RTCB: variants seen among roughly 807,000 people sequenced by gnomAD.
RTCB encodes RNA 2',3'-cyclic phosphate and 5'-OH ligase, also known as RNA-splicing ligase RTCB.
Under a neutral mutation model 58.2 loss-of-function variants are expected in RTCB, and 32 were observed. The observed-to-expected ratio is 0.55, with a 90% CI of 0.41 to 0.74. The LOEUF (loss-of-function observed/expected upper bound fraction) is 0.74. Among genes scored for constraint, RTCB ranks in the 30% least tolerant of loss-of-function variants. RTCB has a pLI of 0.00. For missense variants in RTCB, 523 were observed against 639.0 expected (o/e 0.82, Z 1.96); for synonymous variants, 247 against 218.6 (o/e 1.13, Z -1.15).
intron 4 of RTCB, among the ~76,000 whole-genome samples, chr22:32,404,439 G>C (rs1288384503): frequency 6.6e-6 from 1 of 151,896 alleles, no homozygotes; most frequent in African/African-American, 2.4e-5. Context: ...TTTCTTTTTT[G>C]AGATCATGCC....
intron 1 of RTCB, 79 bp downstream of exon 1, chr22:32,411,985 A>T (rs1933534256): frequency 9.7e-7 from 1 of 1,027,860 alleles, no homozygotes; most frequent in Non-Finnish European, 1.5e-6. Flanking sequence ...TGGTCAGGGG[A>T]GGTCCAGAGG....
chr22:32,410,197 GA>G (rs1474892172), intron 1 of RTCB, among the ~76,000 whole-genome samples: 1 of 152,162 alleles, frequency 6.6e-6, no homozygotes. Flanking sequence ...TGCTATGGAA[GA>G]ATCTGATGAG....
chr22:32,403,858 AC>A lies in RTCB; in HGVS notation c.341-1956del, dbSNP rs1933378384. On this transcript the variant is annotated intron_variant, in intron 4 of 11. Transcript: ENST00000216038. ...TGAAATTCTGTATACTCTAACATCCACCCTGTTAGCACCATTCTACTCTCTC... is the reference window on the plus strand; with the variant it reads ...TGAAATTCTGTATACTCTAACATCCACCTGTTAGCACCATTCTACTCTCTC... Among the ~76,000 whole-genome samples, 4 of 152,156 alleles carry A rather than the reference AC, an allele frequency of 2.6e-5. No individual in the cohort carries two copies. In the South Asian group the frequency reaches 8.3e-4, roughly 32 times the overall value.
At chr22:32,408,008 G>T in intron 3 of RTCB, 167 bp downstream of exon 3, 1 of 613,864 alleles carries the variant, frequency 1.6e-6, no homozygotes, top group Non-Finnish European at 2.9e-6. Flanking sequence ...TTCCATCTTG[G>T]TCTCTCAAAG....
At position 32,393,961 on chromosome 22, in the gene RTCB, G is replaced by A. The variant is rs1207147030; in HGVS notation, c.1221C>T (p.Thr407=). Residue 407 remains threonine (T), a synonymous_variant, in exon 10 of 12, where the codon ACC becomes ACT. Transcript: ENST00000216038. ...CAGTGCCAGTAAGAACATAACTACA[G>A]GTTCCCATGGTGCCACCAATGAGCA... is the stretch of plus-strand genomic sequence containing the variant. ...QPVLIGGTMG[T]CSYVLTGTEQ... is the part of the protein sequence containing the mutation. 6.2e-7 allele frequency: 1 copy of A among 1,614,120 alleles called. No individual in the cohort carries two copies. The highest frequency in any genetic ancestry group is 2.2e-5 in the East Asian group (1 of 44,888).
intron 4 of RTCB, 142 bp from the exon 5 acceptor site, chr22:32,402,045 C>T: frequency 2.2e-6 from 2 of 897,702 alleles, no homozygotes; most frequent in Non-Finnish European, 3.3e-6. Context: ...TGGTTCTTTG[C>T]TGAGTAAAGC....
rs190314948 is a variant in RTCB at position 32,390,300 on chromosome 22, G to A, written c.1410+1940C>T. On this transcript the variant is annotated intron_variant, in intron 11 of 11. Transcript: ENST00000216038. ...CCTAACTATAGCGGATGGTTAGTACGTGTTAGCTGAGTAAGTGAATCAAAT... is the reference window on the plus strand; with the variant it reads ...CCTAACTATAGCGGATGGTTAGTACATGTTAGCTGAGTAAGTGAATCAAAT... Among the ~76,000 whole-genome samples the A allele has an allele frequency of 2.6e-3, 389 of 152,328 alleles. 1 individual carries two copies. Among genetic ancestry groups the A allele is most frequent in the Middle Eastern group, 3.4e-3 (1 of 294 alleles).
At chr22:32,405,363 C>T (rs1212432919) in intron 4 of RTCB, among the ~76,000 whole-genome samples, 1 of 152,058 alleles carries the variant, frequency 6.6e-6, no homozygotes. Context: ...GATTTCAATG[C>T]TTTGAAATTT....
chr22:32,392,650 TA>T (rs1933175139), intron 10 of RTCB: 9 of 467,082 alleles, frequency 1.9e-5, no homozygotes, highest in East Asian at 8.5e-5. Flanking sequence ...ACCATGACAA[TA>T]AAAAAAGCCT....
intron 9 of RTCB, among the ~76,000 whole-genome samples, chr22:32,394,663 T>C (rs1933213830): frequency 6.6e-6 from 1 of 152,122 alleles, no homozygotes; most frequent in African/African-American, 2.4e-5. Context: ...AAGCAGACTA[T>C]GGGGTCTTTC....
chr22:32,403,782 T>C (rs1279722656), intron 4 of RTCB, among the ~76,000 whole-genome samples: 1 of 152,230 alleles, frequency 6.6e-6, no homozygotes, highest in African/African-American at 2.4e-5. Context: ...TATTATTAAC[T>C]ACAGTCACTA....
chr22:32,409,887 G>A (rs1480200067), intron 1 of RTCB, among the ~76,000 whole-genome samples: 1 of 150,522 alleles, frequency 6.6e-6, no homozygotes, highest in African/African-American at 2.5e-5. Context: ...GCATGATCTC[G>A]GCTCACTGCA....
chr22:32,408,300 ATATTCATGTTTTTAGACTG>A, intron 2 of RTCB, 58 bp from the exon 3 acceptor site: 23 of 1,386,168 alleles, frequency 1.7e-5, no homozygotes, highest in Non-Finnish European at 2.3e-5. Context: ...AGCATGAATT[ATATTCATGTTTTTAGACTG>A]TATAACGTGA....
intron 8 of RTCB, 141 bp from the exon 9 acceptor site, chr22:32,395,355 T>C (rs1933228700): frequency 1.5e-6 from 1 of 665,346 alleles, no homozygotes; most frequent in African/African-American, 1.8e-5. Flanking sequence ...CGTAAGATTA[T>C]CTTCACGTAA....
chr22:32,398,991 A>T (rs1933290385), intron 6 of RTCB, among the ~76,000 whole-genome samples: 1 of 152,224 alleles, frequency 6.6e-6, no homozygotes, highest in African/African-American at 2.4e-5. Flanking sequence ...AGCCTTCACA[A>T]CTAGCTGTAA....
rs754395932 is a variant in RTCB at position 32,395,069 on chromosome 22, C to T, written c.1136G>A (p.Arg379His). Residue 379 changes from arginine (R) to histidine (H), a missense_variant, in exon 9 of 12, where the codon CGC (arginine) becomes CAC (histidine). Around this residue, in one of 3 missense-constraint regions of RTCB, gnomAD observed 248 missense variants for 292.5 expected, o/e 0.85. Coordinates refer to ENST00000216038, the MANE Select transcript of RTCB (RefSeq NM_014306.5). ...TLLVHRKGSTRAFPPHHPLIA... is the reference protein window; with the variant it reads ...TLLVHRKGSTHAFPPHHPLIA... Reference sequence around the variant, plus strand: ...GAGGGGATGGTGAGGAGGGAAAGCGCGGGTGGATCCCTTCCTGTGTACTAA... The same window carrying T: ...GAGGGGATGGTGAGGAGGGAAAGCGTGGGTGGATCCCTTCCTGTGTACTAA... The T allele has an allele frequency of 6.2e-6, 10 of 1,614,028 alleles. No individual in the cohort carries two copies. The highest frequency in any genetic ancestry group is 3.3e-5 in the Admixed American group (2 of 59,998).
rs1375380412 is a variant in RTCB at position 32,395,233 on chromosome 22, G to A, written c.991-19C>T. 1.2e-6 allele frequency: 2 copies of A among 1,609,006 alleles called. No individual in the cohort carries two copies. Among genetic ancestry groups the A allele is most frequent in the Admixed American group, 3.3e-5 (2 of 59,790 alleles). ...CGAAAGCCTAGGAGAAAACACAGAA[G>A]ATAAAAGCAGCCAGAACTTCAGGAC... is the stretch of plus-strand genomic sequence containing the variant. On this transcript the variant is annotated intron_variant, in intron 8 of 11. Transcript: ENST00000216038.
In RTCB at chr22:32,392,296, A is replaced by G; in HGVS notation, c.1354T>C (p.Leu452=). The change falls in exon 11 of 12, where the codon TTG becomes CTG. Residue 452 remains leucine, a synonymous_variant. Coordinates refer to ENST00000216038, the MANE Select transcript of RTCB (RefSeq NM_014306.5). ...CGGATCGCAATTCCCATATCTGCCA[A>G]TTTGTCTAAGACATCCTGGAAATCT... The part of the protein sequence containing the change: ...NLDFQDVLDK[L]ADMGIAIRVA... 6.2e-7 allele frequency: 1 copy of G among 1,614,132 alleles called. No individual in the cohort carries two copies. The highest frequency in any genetic ancestry group is 8.5e-7 in the Non-Finnish European group (1 of 1,180,006).
rs1238310454 is a variant in RTCB, at chr22:32,387,795, G to T, written c.*197C>A. The T allele has an allele frequency of 3.8e-6, 2 of 525,710 alleles. No individual in the cohort carries two copies. Among genetic ancestry groups the T allele is most frequent in the Non-Finnish European group, 6.9e-6 (2 of 291,922 alleles). 32.6% of individuals were successfully genotyped at this position (525,710 alleles called of 1,614,324 possible). ...CTCCCTTTCCAAAGGTGGGCAATGT[G>T]CCTCTTCCTGGAAGGTTATTTTACA... is the stretch of plus-strand genomic sequence containing the variant. On this transcript the variant is annotated 3_prime_UTR_variant, in exon 12 of 12. Coordinates refer to ENST00000216038, the MANE Select transcript of RTCB (RefSeq NM_014306.5).
Sources: gnomAD v4.1 joint callset for allele counts (sites outside exome capture counted in the v4.1 genomes callset) on GRCh38, gnomAD v4.1.1 for gene constraint, gnomAD v4.1.1 regional missense constraint, MANE v1.5 for transcripts, NCBI Gene and HGNC (gene_info 2026-07-23, HGNC 2026-07-21) for gene names.